MMP16: variants seen among roughly 807,000 people sequenced by gnomAD.
MMP16 encodes the protein matrix metalloproteinase-16.
A neutral mutation model predicts 67.8 loss-of-function variants in MMP16; 12 were observed. The ratio of observed to expected loss-of-function variants is 0.18; its 90% CI spans 0.11 to 0.29. MMP16 has a LOEUF of 0.29. Ranked by LOEUF, MMP16 falls within the 10% of genes least tolerant of loss-of-function variation. MMP16 has a pLI of 1.00. For missense variants in MMP16, 475 were observed against 765.7 expected (o/e 0.62, Z 4.48); for synonymous variants, 249 against 255.9 (o/e 0.97, Z 0.26).
chr8:88,234,125 A>C (rs1036924265), intron 1 of MMP16, among the ~76,000 whole-genome samples: 2 of 152,230 alleles, frequency 1.3e-5, no homozygotes, highest in Admixed American at 1.3e-4. Context: ...ATTTATGCTC[A>C]TTTTTATAGA....
intron 1 of MMP16, among the ~76,000 whole-genome samples, chr8:88,278,823 T>C (rs1394087270): frequency 6.6e-6 from 1 of 152,138 alleles, no homozygotes; most frequent in Non-Finnish European, 1.5e-5. Flanking sequence ...CTTTATTATC[T>C]AGGGGCATTG....
intron 1 of MMP16, among the ~76,000 whole-genome samples, chr8:88,307,191 T>G (rs1318402079): frequency 1.3e-5 from 2 of 152,122 alleles, no homozygotes; most frequent in South Asian, 4.1e-4. Context: ...TGCCCCATAC[T>G]TTCCTGGTGC....
At position 88,231,961 on chromosome 8, in the gene MMP16, C is replaced by T. The variant is rs375589565; in HGVS notation, c.133-34655G>A. On this transcript the variant is annotated intron_variant, in intron 1 of 9. Coordinates refer to ENST00000286614, the MANE Select transcript of MMP16 (RefSeq NM_005941.5). ...AAAACATTTGAGATTCTAACATGATCGAGTGCTAATGATACTTCCTCCATC... is the reference window on the plus strand; with the variant it reads ...AAAACATTTGAGATTCTAACATGATTGAGTGCTAATGATACTTCCTCCATC... Among the ~76,000 whole-genome samples, 5 of 152,050 alleles carry T rather than the reference C, an allele frequency of 3.3e-5. No homozygotes were observed. The South Asian group carries it at 6.2e-4, about 19-fold the overall frequency.
chr8:88,075,404 T>C (rs1364981441), intron 6 of MMP16, among the ~76,000 whole-genome samples: 1 of 152,182 alleles, frequency 6.6e-6, no homozygotes, highest in East Asian at 1.9e-4. Flanking sequence ...ATATGAAAAG[T>C]GTCTATTCAT....
intron 7 of MMP16, among the ~76,000 whole-genome samples, chr8:88,061,060 C>G (rs543746621): frequency 6.6e-6 from 1 of 150,866 alleles, no homozygotes; most frequent in Non-Finnish European, 1.5e-5. Context: ...TATATTTAAC[C>G]AAGTGTTGGG....
chr8:88,106,046 G>A (rs965901560), intron 6 of MMP16, among the ~76,000 whole-genome samples: 9 of 54,850 alleles, frequency 1.6e-4, no homozygotes, highest in Admixed American at 3.0e-4. Context: ...ATATTTACAC[G>A]TTATGTATAT....
chr8:88,194,581 C>A (rs1263906874), intron 2 of MMP16, among the ~76,000 whole-genome samples: 4 of 151,896 alleles, frequency 2.6e-5, no homozygotes, highest in Admixed American at 2.0e-4. Flanking sequence ...AGAGATGCGA[C>A]AGCAGAAAAA....
At chr8:88,072,259 G>A (rs373114202) in intron 7 of MMP16, among the ~76,000 whole-genome samples, 1 of 151,982 alleles carries the variant, frequency 6.6e-6, no homozygotes, top group Non-Finnish European at 1.5e-5. Context: ...GTGGTGGAGG[G>A]GGTCATTTCA....
chr8:88,276,319 C>T (rs1381525480), intron 1 of MMP16, among the ~76,000 whole-genome samples: 3 of 152,052 alleles, frequency 2.0e-5, no homozygotes, highest in Non-Finnish European at 2.9e-5. Context: ...TGCATGTGCA[C>T]GTGTTTTAAT....
chr8:88,230,370 A>G lies in MMP16; in HGVS notation c.133-33064T>C, dbSNP rs536960656. 3.3e-5 allele frequency among the ~76,000 whole-genome samples: 5 copies of G among 152,244 alleles called. No individual in the cohort carries two copies. In the South Asian group the frequency reaches 1.0e-3, roughly 32 times the overall value. On this transcript the variant is annotated intron_variant, in intron 1 of 9. Coordinates refer to ENST00000286614, the MANE Select transcript of MMP16 (RefSeq NM_005941.5). Reference sequence around the variant, plus strand: ...GCGAAAACCTAACATTTTAAAAGATAACTCTGAAGCAGGCTACATAAAAGA... The same window carrying G: ...GCGAAAACCTAACATTTTAAAAGATGACTCTGAAGCAGGCTACATAAAAGA...
intron 8 of MMP16, among the ~76,000 whole-genome samples, chr8:88,047,244 G>A (rs763517318): frequency 2.6e-5 from 4 of 151,852 alleles, no homozygotes; most frequent in African/African-American, 4.8e-5. Flanking sequence ...TTATTCATTC[G>A]GTACATATTT....
intron 1 of MMP16, among the ~76,000 whole-genome samples, chr8:88,237,702 G>A (rs1809967350): frequency 6.6e-6 from 1 of 152,036 alleles, no homozygotes; most frequent in African/African-American, 2.4e-5. Context: ...TGCATCTTGG[G>A]TATGGCACGT....
At chr8:88,326,937 C>T in intron 1 of MMP16, 138 bp downstream of exon 1, 1 of 1,100,288 alleles carries the variant, frequency 9.1e-7, no homozygotes, top group Non-Finnish European at 1.3e-6. Context: ...TAAACTGAAC[C>T]AGGGTCTCCA....
chr8:88,113,806 A>C (rs1469746801), intron 6 of MMP16, among the ~76,000 whole-genome samples: 1 of 152,006 alleles, frequency 6.6e-6, no homozygotes, highest in South Asian at 2.1e-4. Flanking sequence ...ATTTGCAAGA[A>C]ACCCAAGTGT....
At chr8:88,150,803 A>G (rs1808392084) in intron 4 of MMP16, among the ~76,000 whole-genome samples, 1 of 151,498 alleles carries the variant, frequency 6.6e-6, no homozygotes, top group Non-Finnish European at 1.5e-5. Context: ...AACTGCATCA[A>G]CTAACGAGCA....
chr8:88,253,395 A>C (rs1810255421), intron 1 of MMP16, among the ~76,000 whole-genome samples: 2 of 152,120 alleles, frequency 1.3e-5, no homozygotes, highest in South Asian at 2.1e-4. Flanking sequence ...TTTGAAAAAC[A>C]GTCCTTCAGC....
chr8:88,293,862 T>C (rs891368102), intron 1 of MMP16, among the ~76,000 whole-genome samples: 4 of 152,104 alleles, frequency 2.6e-5, no homozygotes, highest in African/African-American at 9.7e-5. Context: ...CCAAATCCTA[T>C]GAGCCAATGT....
chr8:88,221,451 T>G (rs559075722), intron 1 of MMP16, among the ~76,000 whole-genome samples: 2 of 151,586 alleles, frequency 1.3e-5, no homozygotes, highest in African/African-American at 4.9e-5. Flanking sequence ...ACCTCCAAAA[T>G]GAGAATCCGA....
rs897015131 is a variant in MMP16, at chr8:88,163,047, C to T, written c.709+4622G>A. ...CTCTAAGAAACATTATATAGCAGTG[C>T]AGCTGTAAAATGAGCAGGAAAGGTT... On this transcript the variant is annotated intron_variant, in intron 4 of 9. Coordinates refer to ENST00000286614, the MANE Select transcript of MMP16 (RefSeq NM_005941.5). Among the ~76,000 whole-genome samples the T allele has an allele frequency of 4.6e-5, 7 of 152,000 alleles. No individual in the cohort carries two copies. The South Asian group carries it at 1.4e-3, about 31-fold the overall frequency.
Sources: gnomAD v4.1 joint callset for allele counts (sites outside exome capture counted in the v4.1 genomes callset) on GRCh38, gnomAD v4.1.1 for gene constraint, MANE v1.5 for transcripts, NCBI Gene and HGNC (gene_info 2026-07-23, HGNC 2026-07-21) for gene names.